Variants in MOK observed in about 807,000 individuals in gnomAD.
MOK encodes MOK protein kinase.
A neutral mutation model predicts 54.2 loss-of-function variants in MOK; 59 were observed. The observed-to-expected ratio is 1.09, with a 90% CI of 0.88 to 1.35. MOK has a LOEUF of 1.35. Ranked by LOEUF, MOK falls within the 40% of genes most tolerant of loss-of-function variation. MOK has a pLI of 0.00. For synonymous variants in MOK, 210 were observed against 202.7 expected (o/e 1.04, Z -0.31); for missense variants, 517 against 526.2 (o/e 0.98, Z 0.17).
intron 1 of MOK, among the ~76,000 whole-genome samples, chr14:102,288,077 A>G (rs941943543): frequency 6.8e-6 from 1 of 146,822 alleles, no homozygotes. Flanking sequence ...CTCATGATCC[A>G]CCCGCCTCGG....
chr14:102,236,323 C>T lies in MOK; in HGVS notation c.591-2534G>A, dbSNP rs189199415. 4.1e-3 allele frequency among the ~76,000 whole-genome samples: 627 copies of T among 152,296 alleles called. 7 individuals are homozygous for T. The highest frequency in any genetic ancestry group is 0.014 in the African/African-American group (594 of 41,552). ...AGCCGATCTCTTTTTAAATTGATAG[C>T]GGGGCCACCTACTCAGCTTTGCCTG... On this transcript the variant is annotated intron_variant, in intron 7 of 11. Transcript: ENST00000361847. The surrounding 1 kb of genome is among the most constrained non-coding windows in gnomAD (Gnocchi z 4.5).
intron 7 of MOK, among the ~76,000 whole-genome samples, chr14:102,241,618 T>G (rs1481470394): frequency 2.6e-5 from 4 of 152,366 alleles, no homozygotes; most frequent in African/African-American, 7.2e-5. Flanking sequence ...GGCCATCTTA[T>G]TCTCAATAGG....
At chr14:102,286,912 AAATAATAATAATAATAATAATAAT>A (rs56108099) in intron 1 of MOK, among the ~76,000 whole-genome samples, 1 of 145,508 alleles carries the variant, frequency 6.9e-6, no homozygotes, top group African/African-American at 2.6e-5. Context: ...TCCGTCTCAA[AAATAATAATAATAATAATAATAAT>A]AATAATAATA....
chr14:102,215,719 T>TGCTTAAG, the MOK span, among the ~76,000 whole-genome samples: 4 of 152,204 alleles, frequency 2.6e-5, no homozygotes, highest in Non-Finnish European at 5.9e-5. Context: ...TAAGGCTTTG[T>TGCTTAAG]GCTGGCGTGA....
chr14:102,258,613 C>T (rs1465326538), intron 4 of MOK, among the ~76,000 whole-genome samples: 2 of 152,192 alleles, frequency 1.3e-5, no homozygotes, highest in African/African-American at 2.4e-5. Flanking sequence ...CATCCTCTCC[C>T]GCACCTGTCC....
chr14:102,286,912 AAATAATAAT>A (rs56108099), intron 1 of MOK, among the ~76,000 whole-genome samples: 39 of 145,506 alleles, frequency 2.7e-4, no homozygotes, highest in South Asian at 1.5e-3. Context: ...TCCGTCTCAA[AAATAATAAT>A]AATAATAATA....
At chr14:102,291,335 G>A (rs887421212) in intron 1 of MOK, among the ~76,000 whole-genome samples, 1 of 152,132 alleles carries the variant, frequency 6.6e-6, no homozygotes, top group Admixed American at 6.6e-5. Context: ...CCAAAATACA[G>A]GCCCTGGCCC....
At chr14:102,296,629 A>G (rs572306256) in intron 1 of MOK, among the ~76,000 whole-genome samples, 24 of 152,298 alleles carry the variant, frequency 1.6e-4, no homozygotes, top group South Asian at 1.2e-3. Flanking sequence ...TAATGCATCT[A>G]CTTATAAAAA....
rs191447897 is a variant in MOK, at chr14:102,256,915, C to T, written c.284-4920G>A. ...CGCGCCCAAATACACAAACTAGGATCGCTGGCGGGTAGCCATGCTCTATTC... is the reference window on the plus strand; with the variant it reads ...CGCGCCCAAATACACAAACTAGGATTGCTGGCGGGTAGCCATGCTCTATTC... On this transcript the variant is annotated intron_variant, in intron 4 of 11. Transcript: ENST00000361847. Among the ~76,000 whole-genome samples the T allele has an allele frequency of 3.3e-3, 507 of 152,134 alleles. 8 individuals carry two copies. Among genetic ancestry groups the T allele is most frequent in the Non-Finnish European group, 2.4e-3 (160 of 67,994 alleles).
the MOK span, among the ~76,000 whole-genome samples, chr14:102,215,396 C>T: frequency 6.6e-6 from 1 of 152,180 alleles, no homozygotes; most frequent in Non-Finnish European, 1.5e-5. Flanking sequence ...ATCCGACATT[C>T]TGTCCAGCCA....
intron 2 of MOK, among the ~76,000 whole-genome samples, chr14:102,282,962 G>A (rs755391336): frequency 4.1e-4 from 61 of 148,456 alleles, no homozygotes; most frequent in Non-Finnish European, 7.2e-4. Flanking sequence ...GCTAAGTCAC[G>A]AGAATCGCTT....
intron 1 of MOK, among the ~76,000 whole-genome samples, chr14:102,285,999 T>A (rs1427167083): frequency 6.6e-6 from 1 of 151,996 alleles, no homozygotes; most frequent in Non-Finnish European, 1.5e-5. Flanking sequence ...AGCTATTAAA[T>A]CTTTAAGATG....
Position 102,249,332 on chromosome 14 carries a change from C to T in MOK, c.590+1480G>A, listed in dbSNP as rs2066350055. On this transcript the variant is annotated intron_variant, in intron 7 of 11. Transcript: ENST00000361847. This position sits in a 1 kb window ranked among gnomAD's most constrained non-coding sequence, Gnocchi z 5.3. ...TTTTGCTGACAAATTCAGGGTGAGA[C>T]AGGTCAGGTTTTGTCAACAAATGAG... is the stretch of plus-strand genomic sequence containing the variant. Among the ~76,000 whole-genome samples the T allele has an allele frequency of 6.6e-6, 1 of 152,164 alleles. No homozygotes were observed. The highest frequency in any genetic ancestry group is 1.5e-5 in the Non-Finnish European group (1 of 68,028).
chr14:102,229,771 T>C (rs1037944071), intron 10 of MOK, 114 bp from the exon 11 acceptor site: 2 of 984,938 alleles, frequency 2.0e-6, no homozygotes, highest in Admixed American at 5.7e-5. Flanking sequence ...TTCTTGACCA[T>C]AAGATGTGAC....
At chr14:102,217,570 G>A in the MOK span, among the ~76,000 whole-genome samples, 2 of 152,216 alleles carry the variant, frequency 1.3e-5, no homozygotes, top group Non-Finnish European at 2.9e-5. Flanking sequence ...AAACTGCACG[G>A]CAAGTCTGGG....
At chr14:102,274,697 G>A (rs554404813) in intron 2 of MOK, among the ~76,000 whole-genome samples, 6 of 151,962 alleles carry the variant, frequency 3.9e-5, no homozygotes, top group South Asian at 2.1e-4. Flanking sequence ...TGAAGAGGCC[G>A]GGCACGGTAA....
intron 1 of MOK, among the ~76,000 whole-genome samples, chr14:102,285,980 T>G (rs1000705141): frequency 1.3e-5 from 2 of 152,046 alleles, no homozygotes; most frequent in Non-Finnish European, 2.9e-5. Flanking sequence ...TGGAGGGCAA[T>G]TTGGCAGCAG....
chr14:102,274,498 A>G (rs1358027748), intron 2 of MOK, among the ~76,000 whole-genome samples: 1 of 151,134 alleles, frequency 6.6e-6, no homozygotes, highest in East Asian at 2.0e-4. Flanking sequence ...TCAAGTGATC[A>G]GCCCACTTTC....
the MOK span, among the ~76,000 whole-genome samples, chr14:102,218,242 T>C: frequency 6.6e-6 from 1 of 152,196 alleles, no homozygotes; most frequent in Admixed American, 6.5e-5. Flanking sequence ...TATTGAACAG[T>C]CCCAGGTGGA....
Sources: allele counts gnomAD v4.1 joint callset (sites outside exome capture counted in the v4.1 genomes callset), GRCh38; gene constraint gnomAD v4.1.1; non-coding constraint Gnocchi (gnomAD v3.1); transcripts MANE v1.5; gene names NCBI Gene and HGNC (gene_info 2026-07-23, HGNC 2026-07-21).